CDKN2B-AS1: variants seen among roughly 807,000 people sequenced by gnomAD.
CDKN2B-AS1 encodes the protein CDKN2B antisense RNA 1 (non-protein coding).
intron 4 of CDKN2B-AS1, among the ~76,000 whole-genome samples, chr9:22,069,744 A>G (rs919365943): frequency 6.6e-6 from 1 of 152,190 alleles, no homozygotes. Context: ...CTACTGTGCA[A>G]TAGAATGCTA....
intron 4 of CDKN2B-AS1, among the ~76,000 whole-genome samples, chr9:22,097,877 A>G (rs1448176779): frequency 1.3e-5 from 2 of 152,210 alleles, no homozygotes; most frequent in Non-Finnish European, 2.9e-5. Context: ...TATAAAAGGC[A>G]AACTTGGTTT....
At chr9:22,068,257 C>T (rs1824144359) in intron 4 of CDKN2B-AS1, among the ~76,000 whole-genome samples, 1 of 152,158 alleles carries the variant, frequency 6.6e-6, no homozygotes. Flanking sequence ...AGAAAAGTTG[C>T]TGGACCTCAA....
chr9:22,079,538 G>T (rs960248133), intron 4 of CDKN2B-AS1, among the ~76,000 whole-genome samples: 1 of 149,358 alleles, frequency 6.7e-6, no homozygotes, highest in Non-Finnish European at 1.5e-5. Context: ...AGAAAAAAAA[G>T]AAAAGCTGAA....
intron 1 of CDKN2B-AS1, among the ~76,000 whole-genome samples, chr9:22,041,936 A>G (rs1822913441): frequency 2.0e-5 from 3 of 152,054 alleles, no homozygotes; most frequent in Admixed American, 6.6e-5. Context: ...GCCAAATTCC[A>G]TGGTGGATAA....
At chr9:22,013,014 G>T (rs1484580404) in intron 1 of CDKN2B-AS1, among the ~76,000 whole-genome samples, 1 of 152,214 alleles carries the variant, frequency 6.6e-6, no homozygotes, top group Admixed American at 6.5e-5. Flanking sequence ...TTTTCTCAGA[G>T]TTTTAACTTC....
intron 4 of CDKN2B-AS1, among the ~76,000 whole-genome samples, chr9:22,079,582 A>T (rs1395900670): frequency 1.3e-5 from 2 of 152,096 alleles, no homozygotes; most frequent in Non-Finnish European, 2.9e-5. Context: ...GTGAGGGAAC[A>T]ACTTGTGGAA....
exon 5 of CDKN2B-AS1, among the ~76,000 whole-genome samples, chr9:22,127,643 G>A (rs749914801): frequency 3.3e-5 from 5 of 152,122 alleles, no homozygotes; most frequent in Non-Finnish European, 7.3e-5. Flanking sequence ...TCTCTGGGCG[G>A]GGTAAAAGGA....
At chr9:22,003,325 G>A (rs2131172472) in intron 1 of CDKN2B-AS1, 1 of 222,370 alleles carries the variant, frequency 4.5e-6, no homozygotes, top group East Asian at 6.7e-5. Context: ...ATATAGTACT[G>A]TGGGATCCAC....
intron 2 of CDKN2B-AS1, among the ~76,000 whole-genome samples, chr9:22,047,105 T>C (rs1391123384): frequency 2.0e-5 from 3 of 152,106 alleles, no homozygotes; most frequent in Non-Finnish European, 4.4e-5. Flanking sequence ...CTCATGACAA[T>C]AATAGACATG....
intron 1 of CDKN2B-AS1, among the ~76,000 whole-genome samples, chr9:22,012,760 T>A (rs925047335): frequency 3.3e-5 from 5 of 151,658 alleles, no homozygotes; most frequent in Admixed American, 3.3e-4. Flanking sequence ...AAATTCATAA[T>A]CACTTTTGGG....
chr9:22,015,798 G>A (rs1476182265), intron 1 of CDKN2B-AS1, among the ~76,000 whole-genome samples: 2 of 152,192 alleles, frequency 1.3e-5, no homozygotes, highest in Non-Finnish European at 2.9e-5. Flanking sequence ...TAACTGGTGT[G>A]AGATGGTATC....
At chr9:22,008,694 C>A (rs1288148296) in intron 1 of CDKN2B-AS1, 2 of 1,611,046 alleles carry the variant, frequency 1.2e-6, no homozygotes, top group Non-Finnish European at 1.7e-6. Flanking sequence ...ACGGAGACTC[C>A]TGTACAAATC....
chr9:22,003,104 G>C (rs1371257447), intron 1 of CDKN2B-AS1: 2 of 213,866 alleles, frequency 9.4e-6, no homozygotes, highest in Non-Finnish European at 1.9e-5. Flanking sequence ...ATCCTTCAAA[G>C]TGAAATCCTT....
At chr9:22,029,515 T>C (rs757654511) in intron 1 of CDKN2B-AS1, 1 of 779,614 alleles carries the variant, frequency 1.3e-6, no homozygotes, top group South Asian at 1.3e-5. Context: ...TCCTCTCATC[T>C]GATCTCCGTC....
chr9:22,017,207 A>C (rs529257395), intron 1 of CDKN2B-AS1, among the ~76,000 whole-genome samples: 74 of 152,346 alleles, frequency 4.9e-4, no homozygotes, highest in Non-Finnish European at 7.1e-4. Context: ...CGCGCAGATC[A>C]CAAGGTCAGG....
At chr9:22,014,378 C>G (rs1563921775) in intron 1 of CDKN2B-AS1, among the ~76,000 whole-genome samples, 3 of 152,020 alleles carry the variant, frequency 2.0e-5, no homozygotes, top group Non-Finnish European at 1.5e-5. Flanking sequence ...AGGCTGGTCT[C>G]TAACTACTGG....
chr9:22,106,705 G>A (rs1238256524), intron 4 of CDKN2B-AS1, among the ~76,000 whole-genome samples: 2 of 152,188 alleles, frequency 1.3e-5, no homozygotes, highest in East Asian at 1.9e-4. Flanking sequence ...CATAACTGGG[G>A]AAGGAGAAGG....
chr9:22,104,021 T>A (rs957193348), intron 4 of CDKN2B-AS1, among the ~76,000 whole-genome samples: 1 of 152,238 alleles, frequency 6.6e-6, no homozygotes, highest in African/African-American at 2.4e-5. Context: ...AATCTTCTCA[T>A]CTTTCTTATT....
At chr9:22,072,448 T>C (rs368577646) in intron 4 of CDKN2B-AS1, among the ~76,000 whole-genome samples, 8 of 152,344 alleles carry the variant, frequency 5.3e-5, no homozygotes, top group Non-Finnish European at 7.3e-5. Context: ...ACACTAGTTA[T>C]GCAGTTTACT....
Sources: allele counts gnomAD v4.1 joint callset (sites outside exome capture counted in the v4.1 genomes callset), GRCh38; gene constraint gnomAD v4.1.1; transcripts MANE v1.5; gene names NCBI Gene and HGNC (gene_info 2026-07-23, HGNC 2026-07-21).